The following CDH4 variants were observed in gnomAD, a reference collection of about 807,000 sequenced individuals.
The protein encoded by CDH4 is cadherin-4.
Under a neutral mutation model 86.0 loss-of-function variants are expected in CDH4, and 33 were observed. The observed-to-expected ratio is 0.38, with a 90% CI of 0.29 to 0.51. The LOEUF is 0.51. Among genes scored for constraint, CDH4 ranks in the 20% least tolerant of loss-of-function variants. CDH4 has a pLI of 0.86. For missense variants in CDH4, 1,114 were observed against 1,307.4 expected, an observed-to-expected ratio of 0.85 and a Z score of 2.28; for synonymous variants, 555 against 549.4, an observed-to-expected ratio of 1.01 and a Z score of -0.14.
intron 2 of CDH4, among the ~76,000 whole-genome samples, chr20:61,383,291 A>AATATATGTG (rs1568822444): frequency 2.9e-5 from 2 of 69,354 alleles, no homozygotes; most frequent in Admixed American, 2.8e-4. Context: ...GATATATATG[A>AATATATGTG]ATATATGTGA....
intron 4 of CDH4, among the ~76,000 whole-genome samples, chr20:61,806,412 C>T (rs1980131726): frequency 6.6e-6 from 1 of 152,230 alleles, no homozygotes; most frequent in African/African-American, 2.4e-5. Context: ...CACTCGCCTG[C>T]AGGAGGGCAC....
intron 3 of CDH4, among the ~76,000 whole-genome samples, chr20:61,763,302 A>G (rs2088659578): frequency 1.3e-5 from 2 of 152,080 alleles, no homozygotes; most frequent in South Asian, 4.1e-4. Flanking sequence ...GGCCCCCCAC[A>G]ACTAATAACC....
intron 2 of CDH4, among the ~76,000 whole-genome samples, chr20:61,661,115 T>G: frequency 7.7e-6 from 1 of 130,470 alleles, no homozygotes; most frequent in Admixed American, 8.5e-5. Flanking sequence ...GCCAGGCTCA[T>G]GCCAGGTGGG....
intron 2 of CDH4, among the ~76,000 whole-genome samples, chr20:61,401,420 C>A (rs186720259): frequency 1.3e-5 from 2 of 152,078 alleles, no homozygotes; most frequent in African/African-American, 2.4e-5. Context: ...CAGAATCTCA[C>A]GATTGCACCC....
In CDH4 at chr20:61,358,474, GT is replaced by G. The variant is rs1198681673; in HGVS notation, c.169+103539del. 9.2e-5 allele frequency among the ~76,000 whole-genome samples: 14 copies of G among 152,294 alleles called. No homozygotes were observed. The East Asian group carries it at 2.7e-3, about 29-fold the overall frequency. ...CAGAGCGAACATTTCATAAATATTGGTTGAATGAAAGCTGAATAAACTATAA... is the reference window on the plus strand; with the variant it reads ...CAGAGCGAACATTTCATAAATATTGGTGAATGAAAGCTGAATAAACTATAA... On this transcript the variant is annotated intron_variant, in intron 2 of 15. Coordinates refer to ENST00000614565, the MANE Select transcript of CDH4 (RefSeq NM_001794.5).
chr20:61,387,836 C>T (rs1315990000), intron 2 of CDH4, among the ~76,000 whole-genome samples: 1 of 152,176 alleles, frequency 6.6e-6, no homozygotes, highest in African/African-American at 2.4e-5. Context: ...CCCTTCCTTC[C>T]CACTCCTTCC....
rs11204442 is a variant in CDH4, at chr20:61,676,947, C to T, written c.170-66616C>T. Among the ~76,000 whole-genome samples, 21,570 of 152,074 alleles carry T rather than the reference C, an allele frequency of 0.14. 2,055 individuals carry two copies. Among genetic ancestry groups the T allele is most frequent in the Non-Finnish European group, 0.21 (14,428 of 67,940 alleles). On this transcript the variant is annotated intron_variant, in intron 2 of 15. Coordinates refer to ENST00000614565, the MANE Select transcript of CDH4 (RefSeq NM_001794.5). This position sits in a 1 kb window ranked among gnomAD's most constrained non-coding sequence, Gnocchi z 4.5. ...GTGGGCCAGGCTGCAGTGGGACCAG[C>T]GGTCCAAGACCTTGGGGCAGGAGGG...
chr20:61,726,362 C>T (rs189501304), intron 2 of CDH4, among the ~76,000 whole-genome samples: 1 of 152,178 alleles, frequency 6.6e-6, no homozygotes, highest in African/African-American at 2.4e-5. Context: ...TTGGGAACCC[C>T]CTCCTCAACT....
chr20:61,778,994 T>C (rs1233474698), intron 4 of CDH4, among the ~76,000 whole-genome samples: 1 of 152,198 alleles, frequency 6.6e-6, no homozygotes. Context: ...ACATTCTGCC[T>C]GAAGTTCACA....
intron 2 of CDH4, among the ~76,000 whole-genome samples, chr20:61,573,455 A>T (rs2086359493): frequency 2.0e-5 from 3 of 152,366 alleles, no homozygotes; most frequent in Admixed American, 6.5e-5. Flanking sequence ...TGTTGCTATA[A>T]TTAGACCACC....
At chr20:61,698,519 G>C (rs931503204) in intron 2 of CDH4, among the ~76,000 whole-genome samples, 3 of 152,256 alleles carry the variant, frequency 2.0e-5, no homozygotes, top group African/African-American at 4.8e-5. Context: ...AGGGCACGGG[G>C]GACGTGCCCT....
At chr20:61,753,173 C>T (rs1376805704) in intron 3 of CDH4, among the ~76,000 whole-genome samples, 2 of 152,212 alleles carry the variant, frequency 1.3e-5, no homozygotes, top group East Asian at 3.9e-4. Flanking sequence ...CTGGGAGTCC[C>T]AGGGCAGTGT....
chr20:61,361,305 TG>T (rs1203293128), intron 2 of CDH4, among the ~76,000 whole-genome samples: 1 of 151,494 alleles, frequency 6.6e-6, no homozygotes, highest in South Asian at 2.1e-4. Flanking sequence ...TGGGTGGGAG[TG>T]GGGGAGGATG....
At chr20:61,531,360 T>C (rs1288377454) in intron 2 of CDH4, among the ~76,000 whole-genome samples, 1 of 150,738 alleles carries the variant, frequency 6.6e-6, no homozygotes, top group Non-Finnish European at 1.5e-5. Flanking sequence ...TAATCCCAGG[T>C]ACTCAGGAGG....
At chr20:61,844,354 C>T (rs368151702) in intron 4 of CDH4, among the ~76,000 whole-genome samples, 1 of 152,046 alleles carries the variant, frequency 6.6e-6, no homozygotes, top group Non-Finnish European at 1.5e-5. Context: ...GATGTCAGAA[C>T]ACGAGGCCAT....
chr20:61,526,674 TA>T (rs1421914545), intron 2 of CDH4, among the ~76,000 whole-genome samples: 4 of 134,240 alleles, frequency 3.0e-5, no homozygotes, highest in African/African-American at 5.6e-5. Flanking sequence ...CCTGGCTTTT[TA>T]AAAAAAATAT....
At chr20:61,817,069 T>G (rs1355099105) in intron 4 of CDH4, among the ~76,000 whole-genome samples, 2 of 152,366 alleles carry the variant, frequency 1.3e-5, no homozygotes, top group East Asian at 3.9e-4. Context: ...ACTCCTTGGC[T>G]GGGCACATGG....
chr20:61,524,264 C>G (rs953290848), intron 2 of CDH4, among the ~76,000 whole-genome samples: 4 of 152,124 alleles, frequency 2.6e-5, no homozygotes, highest in Non-Finnish European at 4.4e-5. Flanking sequence ...ACTCTCGAGT[C>G]ATTTAAAAAT....
chr20:61,633,177 C>T (rs1159031186), intron 2 of CDH4, among the ~76,000 whole-genome samples: 1 of 150,260 alleles, frequency 6.7e-6, no homozygotes, highest in Non-Finnish European at 1.5e-5. Flanking sequence ...CATCCATCCA[C>T]CCATCCATCC....
Sources: gnomAD v4.1 joint callset for allele counts (sites outside exome capture counted in the v4.1 genomes callset) on GRCh38, gnomAD v4.1.1 for gene constraint, Gnocchi (gnomAD v3.1) non-coding constraint, MANE v1.5 for transcripts, NCBI Gene and HGNC (gene_info 2026-07-23, HGNC 2026-07-21) for gene names.